The following ARMC9 variants were observed in gnomAD, a reference collection of about 807,000 sequenced individuals.
ARMC9 encodes armadillo repeat containing 9.
ARMC9 carries 94 observed loss-of-function variants against 107.0 expected under a neutral mutation model. That is an observed-to-expected ratio of 0.88 (90% CI 0.74 to 1.04). The LOEUF is 1.04. Ranked by LOEUF, ARMC9 falls within the 50% of genes least tolerant of loss-of-function variation. The pLI is 0.00. For missense variants in ARMC9, 942 were observed against 1,030.1 expected, an observed-to-expected ratio of 0.91 and a Z score of 1.17; for synonymous variants, 380 against 396.9, an observed-to-expected ratio of 0.96 and a Z score of 0.51.
intron 12 of ARMC9, 62 bp from the exon 13 acceptor site, chr2:231,270,920 G>A: frequency 7.1e-7 from 1 of 1,402,592 alleles, no homozygotes; most frequent in Admixed American, 1.7e-5. Context: ...ACCCGAAGAG[G>A]AGGCGTGTGT....
At chr2:231,209,427 A>G (rs1205441073) in intron 3 of ARMC9, among the ~76,000 whole-genome samples, 2 of 152,184 alleles carry the variant, frequency 1.3e-5, no homozygotes, top group Non-Finnish European at 2.9e-5. Flanking sequence ...TGATGTCTAA[A>G]TCTCATTTGT....
rs1410108075 is a variant in ARMC9 at position 231,375,868 on chromosome 2, G to C, written c.*4333G>C. 6.6e-6 allele frequency among the ~76,000 whole-genome samples: 1 copy of C among 152,210 alleles called. No individual in the cohort carries two copies. The highest frequency in any genetic ancestry group is 2.4e-5 in the African/African-American group (1 of 41,450). On this transcript the variant is annotated 3_prime_UTR_variant, in exon 25 of 25. Transcript: ENST00000611582. This position sits in a 1 kb window ranked among gnomAD's most constrained non-coding sequence, Gnocchi z 4.3. ...GGGGGTGAGAAAGAAGACAGCAGGT[G>C]TTGTGGGAAGTCAGGGACCCCAAAC...
chr2:231,306,493 T>G (rs761550330), intron 19 of ARMC9, among the ~76,000 whole-genome samples: 38 of 152,144 alleles, frequency 2.5e-4, no homozygotes, highest in Non-Finnish European at 4.3e-4. Flanking sequence ...ATACTTTTCT[T>G]AGAATTTGAG....
At chr2:231,300,650 A>C (rs2041665464) in intron 19 of ARMC9, among the ~76,000 whole-genome samples, 1 of 152,224 alleles carries the variant, frequency 6.6e-6, no homozygotes, top group Non-Finnish European at 1.5e-5. Context: ...CACAGCTAAT[A>C]AGTAACTGTG....
chr2:231,281,717 A>G (rs2040232259), intron 16 of ARMC9, among the ~76,000 whole-genome samples: 1 of 152,172 alleles, frequency 6.6e-6, no homozygotes, highest in Non-Finnish European at 1.5e-5. Context: ...ACAGTATTGG[A>G]GACTGAACAA....
chr2:231,229,073 AT>A (rs1559319410), intron 7 of ARMC9, among the ~76,000 whole-genome samples: 1 of 151,850 alleles, frequency 6.6e-6, no homozygotes, highest in African/African-American at 2.4e-5. Flanking sequence ...TTTAGGGTCA[AT>A]TTTAACTGAG....
chr2:231,204,177 A>G (rs1214989941), intron 1 of ARMC9, among the ~76,000 whole-genome samples: 12 of 36,908 alleles, frequency 3.3e-4, no homozygotes, highest in African/African-American at 1.3e-3. Context: ...CTGTCTCAGG[A>G]AAAAAAAAAA....
chr2:231,294,984 T>C (rs1559420196), intron 18 of ARMC9: 1 of 152,192 alleles, frequency 6.6e-6, no homozygotes, highest in Non-Finnish European at 1.5e-5. Flanking sequence ...GTCCTTCCCT[T>C]TAGAACGAGC....
intron 18 of ARMC9, among the ~76,000 whole-genome samples, 170 bp downstream of exon 18, chr2:231,291,613 C>T (rs1361804344): frequency 6.6e-6 from 1 of 151,956 alleles, no homozygotes; most frequent in Non-Finnish European, 1.5e-5. Context: ...GTCAGGAGTT[C>T]GAGACCAGCC....
intron 7 of ARMC9, among the ~76,000 whole-genome samples, chr2:231,228,442 A>G (rs1294599991): frequency 6.6e-6 from 1 of 152,190 alleles, no homozygotes; most frequent in Non-Finnish European, 1.5e-5. Context: ...GTGGGGTCTC[A>G]GCAGAGGCCC....
chr2:231,280,469 TAAATA>T (rs1559397786), intron 16 of ARMC9, among the ~76,000 whole-genome samples: 1 of 151,526 alleles, frequency 6.6e-6, no homozygotes, highest in African/African-American at 2.4e-5. Flanking sequence ...AAAAAATAAA[TAAATA>T]AAGTAAGAAA....
In ARMC9 at chr2:231,238,424, A is replaced by G. The variant is rs62197336; in HGVS notation, c.781-1519A>G. On this transcript the variant is annotated intron_variant, in intron 8 of 24. Transcript: ENST00000611582. ...GAGTGCAGTGGTGCAATCTCAGCTC[A>G]CTGCAGCCTCGGCCTCCCAGGCTCA... is the stretch of plus-strand genomic sequence containing the variant. Among the ~76,000 whole-genome samples, 265 of 152,342 alleles carry G rather than the reference A, an allele frequency of 1.7e-3. 1 individual carries two copies. The highest frequency in any genetic ancestry group is 3.4e-3 in the Middle Eastern group (1 of 294).
chr2:231,243,432 T>C (rs890493277), intron 9 of ARMC9, among the ~76,000 whole-genome samples: 19 of 151,884 alleles, frequency 1.3e-4, no homozygotes, highest in African/African-American at 4.6e-4. Flanking sequence ...AAAAAACTGA[T>C]GACATGTTAT....
chr2:231,266,260 A>G (rs1450989401), intron 12 of ARMC9, among the ~76,000 whole-genome samples: 1 of 152,212 alleles, frequency 6.6e-6, no homozygotes, highest in African/African-American at 2.4e-5. Flanking sequence ...CAATAGGTCT[A>G]TGGTGGGGCC....
intron 20 of ARMC9, among the ~76,000 whole-genome samples, chr2:231,337,290 A>ATATATATATATATATTTTTTTTT: frequency 2.6e-5 from 1 of 38,018 alleles, no homozygotes; most frequent in African/African-American, 1.2e-4. Flanking sequence ...ATATATATAT[A>ATATATATATATATATTTTTTTTT]TTTTTTTTTT....
chr2:231,242,225 A>G (rs962019334), intron 9 of ARMC9, among the ~76,000 whole-genome samples: 20 of 151,774 alleles, frequency 1.3e-4, no homozygotes, highest in Admixed American at 1.2e-3. Context: ...GACCCGGGAT[A>G]ATCTCTTGGG....
In ARMC9 at chr2:231,216,643, A is replaced by G. The variant is rs1266909776; in HGVS notation, c.354A>G (p.Lys118=). The part of the protein sequence containing the change: ...LLKYSVGRPD[K]EELDEKISYF... ...AGTGTTTTCCCTTCTTCTAGGACAA[A>G]GAGGAGCTGGATGAAAAGATTTCCT... Residue 118 remains lysine, a synonymous_variant, in exon 5 of 25, where the codon AAA becomes AAG. Coordinates refer to ENST00000611582, the MANE Select transcript of ARMC9 (RefSeq NM_001352754.2). 1.2e-6 allele frequency: 2 copies of G among 1,613,400 alleles called. No individual in the cohort carries two copies. Among genetic ancestry groups the G allele is most frequent in the Admixed American group, 1.7e-5 (1 of 59,872 alleles).
At chr2:231,229,429 A>C (rs1401698319) in intron 7 of ARMC9, among the ~76,000 whole-genome samples, 1 of 152,264 alleles carries the variant, frequency 6.6e-6, no homozygotes, top group Non-Finnish European at 1.5e-5. Flanking sequence ...AGGCACTTGC[A>C]GCAGAAACTT....
At chr2:231,361,926 G>T (rs1288705009) in intron 23 of ARMC9, among the ~76,000 whole-genome samples, 2 of 152,172 alleles carry the variant, frequency 1.3e-5, no homozygotes. Flanking sequence ...TAAGAGAAAG[G>T]GGGCGCAGAC....
Sources: allele counts gnomAD v4.1 joint callset (sites outside exome capture counted in the v4.1 genomes callset), GRCh38; gene constraint gnomAD v4.1.1; non-coding constraint Gnocchi (gnomAD v3.1); transcripts MANE v1.5; gene names NCBI Gene and HGNC (gene_info 2026-07-23, HGNC 2026-07-21).